Variants in TENM2 observed in about 807,000 individuals in gnomAD.
TENM2 encodes teneurin transmembrane protein 2, also known as teneurin-2.
In TENM2, 52 loss-of-function variants were observed where a neutral mutation model predicts 245.2. The ratio of observed to expected loss-of-function variants is 0.21; its 90% CI spans 0.17 to 0.27. The LOEUF (loss-of-function observed/expected upper bound fraction) is 0.27, where lower values mean the gene tolerates loss of function less well. Ranked by LOEUF, TENM2 falls within the 10% of genes least tolerant of loss-of-function variation. TENM2 has a pLI of 1.00. For synonymous variants in TENM2, 1,363 were observed against 1,438.9 expected (o/e 0.95, Z 1.19); for missense variants, 3,046 against 3,666.8 (o/e 0.83, Z 4.37).
intron 2 of TENM2, among the ~76,000 whole-genome samples, chr5:167,609,519 C>CAAAAAAAAATT (rs1171421408): frequency 7.8e-6 from 1 of 128,952 alleles, no homozygotes; most frequent in African/African-American, 3.1e-5. Flanking sequence ...AAAACAAAAC[C>CAAAAAAAAATT]TTACCTAGAA....
the TENM2 span, among the ~76,000 whole-genome samples, chr5:167,253,973 A>C: frequency 3.3e-5 from 5 of 152,130 alleles, no homozygotes; most frequent in African/African-American, 1.2e-4. Flanking sequence ...AGTGCGTATA[A>C]GCCTTACCTG....
chr5:167,394,647 G>A (rs568525727), intron 2 of TENM2, among the ~76,000 whole-genome samples: 130 of 152,140 alleles, frequency 8.5e-4, no homozygotes, highest in Middle Eastern at 3.4e-3. Context: ...AGGCTGGAGC[G>A]CAGTGGTGTG....
chr5:167,998,278 C>T (rs189025361), intron 5 of TENM2, among the ~76,000 whole-genome samples: 5 of 152,280 alleles, frequency 3.3e-5, no homozygotes, highest in East Asian at 3.9e-4. Context: ...CTGATGCCTT[C>T]GTTGTTGAGG....
chr5:168,247,648 C>T lies in TENM2; in HGVS notation c.6709C>T (p.Pro2237Ser), dbSNP rs1766712442. ...TAATGGGAATCTCCACTTACTGAACCCAGGCAACAGTGTGCGCCTCATGCC... is the reference window on the plus strand; with the variant it reads ...TAATGGGAATCTCCACTTACTGAACTCAGGCAACAGTGTGCGCCTCATGCC... Residue 2237 changes from proline to serine, a missense_variant, in exon 27 of 29, where the codon CCA becomes TCA. Pro to Ser is a moderately conservative substitution (Grantham distance 74). Around this residue, in one of 2 missense-constraint regions of TENM2, gnomAD observed 2,704 missense variants for 3,331.9 expected, o/e 0.81. Coordinates refer to ENST00000518659, the Ensembl canonical transcript of TENM2. This position sits in a 1 kb window ranked among gnomAD's most constrained non-coding sequence, Gnocchi z 7.8. 6.2e-7 allele frequency: 1 copy of T among 1,613,764 alleles called. No individual in the cohort carries two copies. Among genetic ancestry groups the T allele is most frequent in the African/African-American group, 1.3e-5 (1 of 74,922 alleles).
At chr5:167,105,627 G>A in the TENM2 span, among the ~76,000 whole-genome samples, 1 of 151,972 alleles carries the variant, frequency 6.6e-6, no homozygotes, top group South Asian at 2.1e-4. Flanking sequence ...GGTGGCTCAC[G>A]CCTGTAATCC....
intron 2 of TENM2, among the ~76,000 whole-genome samples, chr5:167,518,459 A>G (rs1437197088): frequency 6.6e-6 from 1 of 152,204 alleles, no homozygotes; most frequent in Non-Finnish European, 1.5e-5. Flanking sequence ...TGAATCATAT[A>G]TAATTGTCAT....
chr5:167,590,656 G>T (rs1417507587), intron 2 of TENM2, among the ~76,000 whole-genome samples: 1 of 152,018 alleles, frequency 6.6e-6, no homozygotes, highest in Non-Finnish European at 1.5e-5. Context: ...CAGAAAAATG[G>T]TGCCATGCCT....
chr5:167,292,836 C>T (rs986965343), intron 1 of TENM2, among the ~76,000 whole-genome samples: 11 of 152,118 alleles, frequency 7.2e-5, no homozygotes, highest in East Asian at 1.9e-4. Flanking sequence ...GATTTATGTC[C>T]GGAATGGCAT....
At chr5:168,256,746 A>G (rs1228834655) in intron 27 of TENM2, among the ~76,000 whole-genome samples, 1 of 152,122 alleles carries the variant, frequency 6.6e-6, no homozygotes, top group Non-Finnish European at 1.5e-5. Flanking sequence ...TCTTAAATGG[A>G]CTATTGTTAT....
rs563002308 is a variant in TENM2 at position 167,834,544 on chromosome 5, T to A, written c.503-41442T>A. 3.6e-4 allele frequency among the ~76,000 whole-genome samples: 55 copies of A among 152,196 alleles called. No homozygotes were observed. The South Asian group carries it at 3.7e-3, about 10-fold the overall frequency. Reference sequence around the variant, plus strand: ...GAAGGTTGTTTACTGGTTAGTGCTGTGAGTAGCATTGTTTCCATGAAAGAA... The same window carrying A: ...GAAGGTTGTTTACTGGTTAGTGCTGAGAGTAGCATTGTTTCCATGAAAGAA... On this transcript the variant is annotated intron_variant, in intron 2 of 28. Coordinates refer to ENST00000518659, the Ensembl canonical transcript of TENM2.
intron 2 of TENM2, among the ~76,000 whole-genome samples, chr5:167,734,744 C>T (rs72830092): frequency 6.6e-6 from 1 of 152,240 alleles, no homozygotes; most frequent in Non-Finnish European, 1.5e-5. Context: ...CAATTAAACA[C>T]TGAGCTTGAC....
At chr5:167,091,979 G>A in the TENM2 span, among the ~76,000 whole-genome samples, 1 of 151,942 alleles carries the variant, frequency 6.6e-6, no homozygotes, top group African/African-American at 2.4e-5. Flanking sequence ...ATTGTCTATC[G>A]GCATGTCATT....
chr5:167,122,633 C>A, the TENM2 span, among the ~76,000 whole-genome samples: 1 of 152,180 alleles, frequency 6.6e-6, no homozygotes, highest in Non-Finnish European at 1.5e-5. Context: ...TAATACCTAA[C>A]TCAAATGAAT....
chr5:167,282,535 T>G (rs1771120692), upstream of TENM2, among the ~76,000 whole-genome samples: 1 of 152,216 alleles, frequency 6.6e-6, no homozygotes, highest in African/African-American at 2.4e-5. Flanking sequence ...TTTACCACCA[T>G]GTATATTTTA....
At chr5:167,869,964 C>T (rs908474683) in intron 2 of TENM2, among the ~76,000 whole-genome samples, 1 of 152,118 alleles carries the variant, frequency 6.6e-6, no homozygotes, top group African/African-American at 2.4e-5. Flanking sequence ...AGGGGCTTCA[C>T]AAACCCCAAA....
the TENM2 span, among the ~76,000 whole-genome samples, chr5:167,274,522 A>T: frequency 6.6e-6 from 1 of 152,050 alleles, no homozygotes; most frequent in African/African-American, 2.4e-5. Flanking sequence ...ATCAACGCCC[A>T]GTAGTACAGT....
chr5:167,741,580 G>A (rs983610405), intron 2 of TENM2, among the ~76,000 whole-genome samples: 4 of 152,104 alleles, frequency 2.6e-5, no homozygotes, highest in African/African-American at 9.7e-5. Context: ...CTACAGGTCC[G>A]GGAATGGAGG....
At chr5:167,793,753 T>A (rs1765133212) in intron 2 of TENM2, among the ~76,000 whole-genome samples, 1 of 151,752 alleles carries the variant, frequency 6.6e-6, no homozygotes, top group African/African-American at 2.4e-5. Context: ...GGAGGATCAC[T>A]TGATCCCAAG....
the TENM2 span, among the ~76,000 whole-genome samples, chr5:167,047,441 C>A: frequency 2.8e-5 from 2 of 70,670 alleles, no homozygotes; most frequent in Non-Finnish European, 4.6e-5. Context: ...AATTGATAAC[C>A]TCTGGTATGT....
Sources: gnomAD v4.1 joint callset for allele counts (sites outside exome capture counted in the v4.1 genomes callset) on GRCh38, gnomAD v4.1.1 for gene constraint, gnomAD v4.1.1 regional missense constraint, Gnocchi (gnomAD v3.1) non-coding constraint, MANE v1.5 for transcripts, NCBI Gene and HGNC (gene_info 2026-07-23, HGNC 2026-07-21) for gene names.